Variants in MCPH1 observed in about 807,000 individuals in gnomAD.
The protein encoded by MCPH1 is microcephalin.
A neutral mutation model predicts 84.5 loss-of-function variants in MCPH1; 104 were observed. That is an observed-to-expected ratio of 1.23 (90% CI 1.05 to 1.45). The LOEUF is 1.45. MCPH1 is among the 40% of genes most tolerant of loss of function. The pLI is 0.00. For synonymous variants in MCPH1, 514 were observed against 366.8 expected, an observed-to-expected ratio of 1.40 and a Z score of -4.58; for missense variants, 1,498 against 1,005.7, an observed-to-expected ratio of 1.49 and a Z score of -6.62.
chr8:6,579,274 C>T (rs368108937), intron 12 of MCPH1, among the ~76,000 whole-genome samples: 3 of 152,214 alleles, frequency 2.0e-5, no homozygotes, highest in Non-Finnish European at 4.4e-5. Context: ...GTGTCTGATG[C>T]GTGAGTTCGC....
intron 12 of MCPH1, among the ~76,000 whole-genome samples, chr8:6,558,434 A>G (rs978632506): frequency 3.9e-5 from 6 of 152,208 alleles, no homozygotes; most frequent in African/African-American, 1.4e-4. Context: ...TTTTAAATGT[A>G]CAAAATTTCA....
chr8:6,612,471 C>T (rs767060872), intron 12 of MCPH1, among the ~76,000 whole-genome samples: 1 of 152,224 alleles, frequency 6.6e-6, no homozygotes, highest in African/African-American at 2.4e-5. Flanking sequence ...TCCATTACCT[C>T]TGCGACCTGG....
chr8:6,564,475 C>T (rs1430957784), intron 12 of MCPH1, among the ~76,000 whole-genome samples: 1 of 152,112 alleles, frequency 6.6e-6, no homozygotes, highest in Admixed American at 6.5e-5. Context: ...TCTGTAAGTT[C>T]TGCAAGTCAC....
intron 9 of MCPH1, among the ~76,000 whole-genome samples, chr8:6,459,278 T>TTTTGTTTG (rs113482702): frequency 0.28 from 42,668 of 151,602 alleles, 8,334 homozygotes; most frequent in African/African-American, 0.56. Context: ...ACACGGCCTT[T>TTTTGTTTG]TTTGTTTGTT....
At chr8:6,488,890 G>A (rs1034848906) in intron 11 of MCPH1, among the ~76,000 whole-genome samples, 2 of 152,036 alleles carry the variant, frequency 1.3e-5, no homozygotes, top group Non-Finnish European at 2.9e-5. Flanking sequence ...CTAGAGGGGG[G>A]GTTGATAGGT....
chr8:6,634,523 C>T (rs576984532), intron 13 of MCPH1, among the ~76,000 whole-genome samples: 12 of 152,290 alleles, frequency 7.9e-5, no homozygotes, highest in Admixed American at 6.5e-4. Context: ...GCAGCAGGCA[C>T]GCATAAGTGT....
At chr8:6,592,238 A>T (rs185320038) in intron 12 of MCPH1, among the ~76,000 whole-genome samples, 3 of 151,776 alleles carry the variant, frequency 2.0e-5, no homozygotes, top group Admixed American at 6.6e-5. Flanking sequence ...CTGCAGCTCA[A>T]CCTCTCGGGC....
intron 9 of MCPH1, among the ~76,000 whole-genome samples, chr8:6,456,879 A>C (rs1351033008): frequency 3.9e-5 from 6 of 152,156 alleles, no homozygotes; most frequent in African/African-American, 1.2e-4. Flanking sequence ...AGGGACAGGC[A>C]TCCTGGGCGG....
chr8:6,624,492 A>G (rs1291620060), intron 13 of MCPH1, among the ~76,000 whole-genome samples: 1 of 151,610 alleles, frequency 6.6e-6, no homozygotes, highest in African/African-American at 2.4e-5. Flanking sequence ...TCCAGCCCAC[A>G]CTCTCTGAGA....
intron 12 of MCPH1, among the ~76,000 whole-genome samples, chr8:6,509,920 C>G (rs1586232234): frequency 6.6e-6 from 1 of 152,172 alleles, no homozygotes; most frequent in East Asian, 1.9e-4. Context: ...CTGCCGCTGC[C>G]TGGCATCATG....
At chr8:6,494,341 C>T (rs768368817) in intron 11 of MCPH1, 1 of 152,144 alleles carries the variant, frequency 6.6e-6, no homozygotes, top group Non-Finnish European at 1.5e-5. Context: ...TATTTTTTAT[C>T]TTCTATAGCT....
Position 6,445,117 on chromosome 8 carries a change from C to T in MCPH1, c.1395C>T (p.Gly465=). Residue 465 remains glycine, a synonymous_variant, in exon 8 of 14, where the codon GGC becomes GGT. Transcript: ENST00000344683. ...IFEMSDFSCV[G]KKTRTVDITN... is the part of the protein sequence containing the mutation. ...AAATGTCTGATTTTTCCTGCGTTGG[C>T]AAAAAAACCAGAACAGTTGACATTA... 6.2e-7 allele frequency: 1 copy of T among 1,614,048 alleles called. No individual in the cohort carries two copies. Among genetic ancestry groups the T allele is most frequent in the Non-Finnish European group, 8.5e-7 (1 of 1,179,996 alleles).
intron 11 of MCPH1, among the ~76,000 whole-genome samples, chr8:6,483,255 A>G (rs1023447249): frequency 6.6e-6 from 1 of 152,238 alleles, no homozygotes; most frequent in Admixed American, 6.5e-5. Context: ...TCTTCCCAAA[A>G]TGATGTATAG....
At chr8:6,557,706 C>CACAG in intron 12 of MCPH1, among the ~76,000 whole-genome samples, 1 of 151,582 alleles carries the variant, frequency 6.6e-6, no homozygotes, top group Admixed American at 6.6e-5. Context: ...CACACACACA[C>CACAG]ACACACACAT....
chr8:6,607,122 G>A (rs781040198), intron 12 of MCPH1, among the ~76,000 whole-genome samples: 3 of 152,190 alleles, frequency 2.0e-5, no homozygotes, highest in Admixed American at 2.0e-4. Flanking sequence ...AAAGCAGGAA[G>A]GCCCCTCTCA....
chr8:6,489,112 G>A (rs1263794164), intron 11 of MCPH1, among the ~76,000 whole-genome samples: 1 of 152,078 alleles, frequency 6.6e-6, no homozygotes, highest in East Asian at 1.9e-4. Flanking sequence ...ATTGATGTAG[G>A]CATATTAGGT....
chr8:6,550,324 C>T (rs1357133508), intron 12 of MCPH1, among the ~76,000 whole-genome samples: 1 of 152,112 alleles, frequency 6.6e-6, no homozygotes, highest in Non-Finnish European at 1.5e-5. Context: ...TGTGTGGGTC[C>T]TGGGAGTGAG....
rs1036670599 is a variant in MCPH1 at position 6,502,994 on chromosome 8, C to T, written c.2214+3065C>T. On this transcript the variant is annotated intron_variant, in intron 12 of 13. Transcript: ENST00000344683. ...GTGGGTCCCGTCAGCACCGAGCACA[C>T]GCCCTCTGTGGTGGAAGAGGACACA... 8.1e-5 allele frequency: 108 copies of T among 1,333,448 alleles called. 1 individual carries two copies. Among genetic ancestry groups the T allele is most frequent in the Non-Finnish European group, 9.5e-5 (91 of 955,126 alleles). 82.6% of individuals were successfully genotyped at this position (1,333,448 alleles called of 1,614,324 possible). A position where few individuals can be genotyped will look rare whatever the true frequency, so the allele number is the denominator to read the frequency against.
intron 9 of MCPH1, among the ~76,000 whole-genome samples, chr8:6,463,389 T>C (rs553149567): frequency 6.6e-6 from 1 of 152,324 alleles, no homozygotes; most frequent in Admixed American, 6.5e-5. Flanking sequence ...TTATTGAGCA[T>C]TGTGACCTCT....
Sources: allele counts gnomAD v4.1 joint callset (sites outside exome capture counted in the v4.1 genomes callset), GRCh38; gene constraint gnomAD v4.1.1; transcripts MANE v1.5; gene names NCBI Gene and HGNC (gene_info 2026-07-23, HGNC 2026-07-21).